Variants in TCF7 observed in about 807,000 individuals in gnomAD.
TCF7 encodes the protein transcription factor 7.
Under a neutral mutation model 46.8 loss-of-function variants are expected in TCF7, and 19 were observed. That is an observed-to-expected ratio of 0.41 (90% CI 0.28 to 0.60). TCF7 has a LOEUF of 0.60. Among genes scored for constraint, TCF7 ranks in the 20% least tolerant of loss-of-function variants. The probability of loss-of-function intolerance (pLI) is 0.35; values close to 1 mark genes in which losing one functional copy is unlikely to be tolerated. For missense variants in TCF7, 547 were observed against 504.6 expected (o/e 1.08, Z -0.81); for synonymous variants, 245 against 213.4 (o/e 1.15, Z -1.29).
chr5:134,124,584 C>A (rs574123389), intron 3 of TCF7, among the ~76,000 whole-genome samples: 2 of 152,300 alleles, frequency 1.3e-5, no homozygotes, highest in Non-Finnish European at 2.9e-5. Context: ...ACAAAGCCCT[C>A]ACCCCGCAGC....
chr5:134,132,789 T>C (rs1758333052), intron 3 of TCF7, among the ~76,000 whole-genome samples: 1 of 152,206 alleles, frequency 6.6e-6, no homozygotes, highest in South Asian at 2.1e-4. Context: ...AGGCCCAAGC[T>C]TGACTTCAGA....
rs781160993 is a variant in TCF7, at chr5:134,115,990, C to T, written c.398C>T (p.Pro133Leu). The change falls in exon 3 of 10, where the codon CCC (proline) becomes CTC (leucine). Residue 133 changes from proline (P) to leucine (L), a missense_variant. Transcript: ENST00000342854. ...SAFNLLMHYP[P>L]PSGAGQHPQP... Reference sequence around the variant, plus strand: ...TTCAATCTGCTCATGCATTACCCACCCCCCTCGGGAGCAGGGCAGCACCCC... The same window carrying T: ...TTCAATCTGCTCATGCATTACCCACTCCCCTCGGGAGCAGGGCAGCACCCC... 4 of 1,613,792 alleles carry T rather than the reference C, an allele frequency of 2.5e-6. No homozygotes were observed. Among genetic ancestry groups the T allele is most frequent in the East Asian group, 2.2e-5 (1 of 44,878 alleles).
intron 3 of TCF7, 177 bp from the exon 4 acceptor site, chr5:134,137,882 T>C (rs1254955402): frequency 2.1e-6 from 1 of 473,376 alleles, no homozygotes; most frequent in Non-Finnish European, 3.8e-6. Flanking sequence ...GGGCAAAGTC[T>C]TGGGGGCTAG....
intron 6 of TCF7, 102 bp downstream of exon 6, chr5:134,142,406 C>T (rs1691261901): frequency 7.4e-6 from 8 of 1,076,940 alleles, no homozygotes; most frequent in Non-Finnish European, 9.2e-6. Flanking sequence ...TAAGCTGTTT[C>T]GTGCCTCTGG....
At chr5:134,141,435 CCA>C (rs1318764798) in intron 5 of TCF7, 3 of 152,350 alleles carry the variant, frequency 2.0e-5, no homozygotes, top group African/African-American at 7.2e-5. Context: ...GCAGGGGATT[CCA>C]CAGACATTTG....
At chr5:134,120,425 G>A (rs754283940) in intron 3 of TCF7, among the ~76,000 whole-genome samples, 85 of 152,196 alleles carry the variant, frequency 5.6e-4, no homozygotes, top group Middle Eastern at 6.8e-3. Context: ...CAGTGAAGTC[G>A]AAGCCACTCA....
chr5:134,128,423 A>G (rs1757642031), intron 3 of TCF7, among the ~76,000 whole-genome samples: 1 of 151,768 alleles, frequency 6.6e-6, no homozygotes. Flanking sequence ...GCTCCTTTCC[A>G]CGCCTTGTTT....
At chr5:134,143,760 C>T in intron 9 of TCF7, 120 bp downstream of exon 9, 1 of 1,150,616 alleles carries the variant, frequency 8.7e-7, no homozygotes, top group Non-Finnish European at 1.2e-6. Context: ...GGGCCTGGGG[C>T]CTATGAAAAC....
chr5:134,115,176 G>C (rs2149262252), intron 1 of TCF7, 21 bp downstream of exon 1: 2 of 1,053,410 alleles, frequency 1.9e-6, no homozygotes, highest in South Asian at 8.9e-5. Context: ...GCCGGCGCCG[G>C]CTCCTCCCCC....
intron 9 of TCF7, chr5:134,144,625 G>T (rs1315294360): frequency 1.7e-6 from 1 of 601,148 alleles, no homozygotes. Flanking sequence ...CTGGGCTCTT[G>T]GGCTCCCACT....
chr5:134,146,188 CCT>C, intron 9 of TCF7, 34 bp from the exon 10 acceptor site: 1 of 1,613,960 alleles, frequency 6.2e-7, no homozygotes, highest in East Asian at 2.2e-5. Flanking sequence ...ATGAATTCAC[CCT>C]CTGTTTACAG....
At chr5:134,140,683 A>G (rs2149346045) in intron 5 of TCF7, 1 of 388,230 alleles carries the variant, frequency 2.6e-6, no homozygotes, top group Non-Finnish European at 5.1e-6. Context: ...AAATTCCAGC[A>G]GAGGCCCATC....
rs1470329996 is a variant in TCF7, at chr5:134,146,308, C to T, written c.*5C>T. Reference sequence around the variant, plus strand: ...CTTCCGATGACAGTGCTCTAGGCTGCCCCGGGTCCCCAGCTCCCCAGGACT... The same window carrying T: ...CTTCCGATGACAGTGCTCTAGGCTGTCCCGGGTCCCCAGCTCCCCAGGACT... On this transcript the variant is annotated 3_prime_UTR_variant, in exon 10 of 10. Coordinates refer to ENST00000342854, the MANE Select transcript of TCF7 (RefSeq NM_003202.5). The T allele has an allele frequency of 1.2e-6, 2 of 1,614,046 alleles. No homozygotes were observed. The highest frequency in any genetic ancestry group is 1.7e-5 in the Admixed American group (1 of 60,026).
chr5:134,140,744 C>A, intron 5 of TCF7: 1 of 453,926 alleles, frequency 2.2e-6, no homozygotes, highest in Non-Finnish European at 4.4e-6. Context: ...GAAGTCTTTC[C>A]TCGTGTCTGG....
rs750402180 is a variant in TCF7 at position 134,146,406 on chromosome 5, C to A, written c.*103C>A. On this transcript the variant is annotated 3_prime_UTR_variant, in exon 10 of 10. Coordinates refer to ENST00000342854, the MANE Select transcript of TCF7 (RefSeq NM_003202.5). ...AGCCCTGCGGAGCCGGCACCTACATCCCCAGGTCTCTCCACTGCTCTCAGC... is the reference window on the plus strand; with the variant it reads ...AGCCCTGCGGAGCCGGCACCTACATACCCAGGTCTCTCCACTGCTCTCAGC... The A allele has an allele frequency of 9.3e-6, 13 of 1,391,180 alleles. No individual in the cohort carries two copies. The African/African-American group carries it at 1.8e-4, about 20-fold the overall frequency. The allele number at this position is 1,391,180 out of a possible 1,614,324, so 86.2% of individuals were successfully genotyped here.
In TCF7 at chr5:134,115,924, A is replaced by C. The variant is rs138761950; in HGVS notation, c.332A>C (p.Glu111Ala). ...GTTTTTCCAGGCCTGAAGGCCCCGG[A>C]GTGCACCAGCGGCATGTACAAAGAG... ...EPLEDGLKAP[E>A]CTSGMYKETV... is the part of the protein sequence containing the mutation. The change falls in exon 3 of 10, where the codon GAG (glutamate) becomes GCG (alanine). Residue 111 changes from glutamate to alanine, a missense_variant. Around this residue, in one of 3 missense-constraint regions of TCF7, gnomAD observed 425 missense variants for 349.9 expected, o/e 1.21. Coordinates refer to ENST00000342854, the MANE Select transcript of TCF7 (RefSeq NM_003202.5). 48 of 1,613,790 alleles carry C rather than the reference A, an allele frequency of 3.0e-5. No homozygotes were observed. The highest frequency in any genetic ancestry group is 8.3e-5 in the Admixed American group (5 of 60,002).
chr5:134,114,766 C>T lies in TCF7; in HGVS notation c.-141C>T. On this transcript the variant is annotated 5_prime_UTR_variant, in exon 1 of 10. Coordinates refer to ENST00000342854, the MANE Select transcript of TCF7 (RefSeq NM_003202.5). ...CGCCCTAGCCCGCGCCTGCAGCCCG[C>T]CCAGGCGGAGTCAGCCCGCGCTCCG... 1 of 850,310 alleles carries T rather than the reference C, an allele frequency of 1.2e-6. No homozygotes were observed. 52.7% of individuals were successfully genotyped at this position (850,310 alleles called of 1,614,324 possible).
intron 2 of TCF7, 139 bp from the exon 3 acceptor site, chr5:134,115,770 G>A (rs534454632): frequency 1.1e-5 from 17 of 1,486,364 alleles, no homozygotes; most frequent in African/African-American, 8.4e-5. Context: ...TGGCACTGCC[G>A]ATACTCCCAG....
intron 8 of TCF7, 83 bp downstream of exon 8, chr5:134,143,183 C>A (rs1040337253): frequency 3.5e-6 from 5 of 1,408,728 alleles, no homozygotes; most frequent in Non-Finnish European, 4.9e-6. Flanking sequence ...CAGTAAGGAA[C>A]GCAGAACTAC....
Sources: allele counts gnomAD v4.1 joint callset (sites outside exome capture counted in the v4.1 genomes callset), GRCh38; gene constraint gnomAD v4.1.1; regional missense constraint gnomAD v4.1.1; transcripts MANE v1.5; gene names NCBI Gene and HGNC (gene_info 2026-07-23, HGNC 2026-07-21).